Variants in CDH7 observed in about 807,000 individuals in gnomAD.
CDH7 encodes the protein cadherin-7.
A neutral mutation model predicts 71.8 loss-of-function variants in CDH7; 25 were observed. That is an observed-to-expected ratio of 0.35 (90% CI 0.25 to 0.49). The LOEUF is 0.49. Among genes scored for constraint, CDH7 ranks in the 20% least tolerant of loss-of-function variants. CDH7 has a pLI of 0.99. For synonymous variants in CDH7, 381 were observed against 363.8 expected (o/e 1.05, Z -0.54); for missense variants, 862 against 974.6 (o/e 0.88, Z 1.54).
chr18:65,783,438 G>T (rs1481928434), intron 2 of CDH7, among the ~76,000 whole-genome samples: 3 of 152,120 alleles, frequency 2.0e-5, no homozygotes, highest in African/African-American at 7.2e-5. Flanking sequence ...CAACATAGGA[G>T]GTTGGCAAAA....
At chr18:65,834,026 T>C (rs1912446337) in intron 6 of CDH7, among the ~76,000 whole-genome samples, 1 of 152,164 alleles carries the variant, frequency 6.6e-6, no homozygotes. Context: ...CATGTAAAAT[T>C]GTCCTTCCTT....
intron 1 of CDH7, among the ~76,000 whole-genome samples, chr18:65,754,670 A>G (rs915357161): frequency 4.6e-5 from 7 of 152,188 alleles, no homozygotes; most frequent in African/African-American, 1.4e-4. Context: ...TCATCTCAAA[A>G]TATAGGACTT....
At chr18:65,856,953 A>G (rs1352299628) in intron 7 of CDH7, among the ~76,000 whole-genome samples, 1 of 152,000 alleles carries the variant, frequency 6.6e-6, no homozygotes, top group East Asian at 1.9e-4. Flanking sequence ...TAGCCATGCA[A>G]TCTCAGGGGT....
chr18:65,818,899 C>T (rs568670094), intron 4 of CDH7, among the ~76,000 whole-genome samples: 1 of 152,264 alleles, frequency 6.6e-6, no homozygotes, highest in East Asian at 1.9e-4. Flanking sequence ...ATTGGCTGCT[C>T]CATTTTGGTG....
At chr18:65,831,084 A>C (rs1912333719) in intron 6 of CDH7, among the ~76,000 whole-genome samples, 1 of 152,214 alleles carries the variant, frequency 6.6e-6, no homozygotes, top group Admixed American at 6.5e-5. Flanking sequence ...ATTCAAAGGA[A>C]GCAGTGAAAT....
At position 65,885,917 on chromosome 18, in the gene CDH7, G is replaced by A. The variant is rs1914364360; in HGVS notation, c.*5023G>A. 6.6e-6 allele frequency: 1 copy of A among 152,286 alleles called. No homozygotes were observed. The highest frequency in any genetic ancestry group is 2.1e-4 in the South Asian group (1 of 4,828). 9.4% of individuals were successfully genotyped at this position (152,286 alleles called of 1,614,324 possible). A position where few individuals can be genotyped will look rare whatever the true frequency, so the allele number is the denominator to read the frequency against. On this transcript the variant is annotated 3_prime_UTR_variant, in exon 12 of 12. Transcript: ENST00000397968. The stretch of plus-strand genomic sequence containing the variant: ...GAAAGAACATTTAGCTGTTATTTGT[G>A]TAATTGTCACATATTATTGTGCAGA...
chr18:65,860,667 T>G (rs899354425), intron 10 of CDH7, among the ~76,000 whole-genome samples: 15 of 152,124 alleles, frequency 9.9e-5, no homozygotes, highest in African/African-American at 3.6e-4. Context: ...TTTAAAAATT[T>G]ATGTTGTTTA....
chr18:65,818,485 G>A (rs190077055), intron 4 of CDH7, among the ~76,000 whole-genome samples: 46 of 152,182 alleles, frequency 3.0e-4, no homozygotes, highest in African/African-American at 1.0e-3. Context: ...ATATTCAATC[G>A]TGTCTTTAAT....
intron 2 of CDH7, among the ~76,000 whole-genome samples, chr18:65,806,694 G>A (rs1268045141): frequency 3.9e-5 from 6 of 151,986 alleles, no homozygotes; most frequent in South Asian, 2.1e-4. Context: ...GTGTGCACGT[G>A]CCTGCAGAGA....
intron 2 of CDH7, among the ~76,000 whole-genome samples, chr18:65,798,500 G>T (rs1247224919): frequency 6.6e-6 from 1 of 152,216 alleles, no homozygotes; most frequent in Non-Finnish European, 1.5e-5. Flanking sequence ...TGCAGGTCAG[G>T]TTGCATAAGA....
At position 65,864,889 on chromosome 18, in the gene CDH7, TAAAAAA is replaced by T. The variant is rs1191269381; in HGVS notation, c.1864+1992_1864+1997del. On this transcript the variant is annotated intron_variant, in intron 11 of 11. Coordinates refer to ENST00000397968, the MANE Select transcript of CDH7 (RefSeq NM_004361.5). ...CTGGATGACAGAGCGAGACTCCATC[TAAAAAA>T]AAAAAAAAAAAAAAAAAAATCCATT... Among the ~76,000 whole-genome samples, 478 of 85,934 alleles carry T rather than the reference TAAAAAA, an allele frequency of 5.6e-3. 3 individuals are homozygous for T. Among genetic ancestry groups the T allele is most frequent in the African/African-American group, 0.02 (445 of 21,744 alleles). 56.4% of individuals were successfully genotyped at this position (85,934 alleles called of 152,430 possible). A position where few individuals can be genotyped will look rare whatever the true frequency, so the allele number is the denominator to read the frequency against.
chr18:65,821,075 A>T (rs528495483), intron 4 of CDH7, among the ~76,000 whole-genome samples: 3 of 152,224 alleles, frequency 2.0e-5, no homozygotes, highest in African/African-American at 7.2e-5. Flanking sequence ...CTCAATTTTT[A>T]AAAATGGGGT....
At chr18:65,865,414 C>T (rs1913722805) in intron 11 of CDH7, 2 of 152,024 alleles carry the variant, frequency 1.3e-5, no homozygotes, top group South Asian at 2.1e-4. Flanking sequence ...AAGTAGACAC[C>T]AAATTTGGAA....
At chr18:65,768,624 C>CT (rs1916451119) in intron 2 of CDH7, among the ~76,000 whole-genome samples, 1 of 152,148 alleles carries the variant, frequency 6.6e-6, no homozygotes, top group Non-Finnish European at 1.5e-5. Context: ...TTTGGACAAG[C>CT]TTTATGTGCA....
chr18:65,873,650 C>T (rs530323532), intron 11 of CDH7, among the ~76,000 whole-genome samples: 1 of 152,202 alleles, frequency 6.6e-6, no homozygotes, highest in South Asian at 2.1e-4. Flanking sequence ...GCTCAATAGC[C>T]ACATGCAGCT....
chr18:65,857,687 G>T, intron 7 of CDH7, 129 bp from the exon 8 acceptor site: 1 of 847,872 alleles, frequency 1.2e-6, no homozygotes, highest in Non-Finnish European at 1.8e-6. Context: ...ATGCATTTAT[G>T]TGATTAATAT....
rs17075245 is a variant in CDH7, at chr18:65,814,579, G to C, written c.600G>C (p.Pro200=). The change falls in exon 4 of 12, where the codon CCG becomes CCC. Residue 200 remains proline, a synonymous_variant. Transcript: ENST00000397968. ...TCTACAGTATTCTGCAAGGACAGCC[G>C]TACTTCTCAGTGGAGCCAAAGACAG... ...RVVYSILQGQ[P]YFSVEPKTGV... 1 of 1,612,972 alleles carries C rather than the reference G, an allele frequency of 6.2e-7. No individual in the cohort carries two copies. The highest frequency in any genetic ancestry group is 1.3e-5 in the African/African-American group (1 of 74,920).
At chr18:65,852,976 C>T (rs1913203558) in intron 7 of CDH7, among the ~76,000 whole-genome samples, 1 of 152,016 alleles carries the variant, frequency 6.6e-6, no homozygotes, top group South Asian at 2.1e-4. Flanking sequence ...ATGGTAAAGC[C>T]ATCTATAAAG....
At chr18:65,842,435 G>T (rs1912767285) in intron 6 of CDH7, among the ~76,000 whole-genome samples, 1 of 151,086 alleles carries the variant, frequency 6.6e-6, no homozygotes, top group African/African-American at 2.4e-5. Flanking sequence ...ATAAGCTGTG[G>T]GATCTCTTTA....
Sources: gnomAD v4.1 joint callset for allele counts (sites outside exome capture counted in the v4.1 genomes callset) on GRCh38, gnomAD v4.1.1 for gene constraint, MANE v1.5 for transcripts, NCBI Gene and HGNC (gene_info 2026-07-23, HGNC 2026-07-21) for gene names.